Variants in FBXO10 observed in about 807,000 individuals in gnomAD.
The protein encoded by FBXO10 is F-box protein 10, also known as F-box only protein 10.
FBXO10 carries 39 observed loss-of-function variants against 80.7 expected under a neutral mutation model. That is an observed-to-expected ratio of 0.48 (90% confidence interval 0.37 to 0.63). The LOEUF is 0.63. FBXO10 is among the 30% of genes least tolerant of loss of function. FBXO10 has a pLI of 0.00. For missense variants in FBXO10, 1,025 were observed against 1,269.0 expected (o/e 0.81, Z 2.92); for synonymous variants, 449 against 489.6 (o/e 0.92, Z 1.09).
At chr9:37,561,212 C>T (rs1571233) in intron 1 of FBXO10, among the ~76,000 whole-genome samples, 1 of 144,224 alleles carries the variant, frequency 6.9e-6, no homozygotes, top group Admixed American at 7.0e-5. Flanking sequence ...TGAGGTCTCT[C>T]TGTGTTGCCC....
chr9:37,524,575 T>C (rs1168071326), intron 6 of FBXO10, among the ~76,000 whole-genome samples: 1 of 152,206 alleles, frequency 6.6e-6, no homozygotes, highest in Non-Finnish European at 1.5e-5. Flanking sequence ...ACCCTCACCT[T>C]GTGGAATTTA....
rs1175006115 is a variant in FBXO10, at chr9:37,521,635, C to G, written c.2134G>C (p.Asp712His). Residue 712 changes from aspartate to histidine, a missense_variant, in exon 8 of 11, where the codon GAC becomes CAC. This residue lies in a region of FBXO10 where 478 missense variants were observed against 667.8 expected (regional missense o/e 0.72). Coordinates refer to ENST00000432825, the MANE Select transcript of FBXO10 (RefSeq NM_012166.3). ...GTGATGGGCCGGCGCAGTGGGTCGT[C>G]CTCCTTCTCCAGCTCTGTCTCCCAG... ...ILWETELEKE[D>H]DPLRRPITIA... The G allele has an allele frequency of 1.2e-5, 19 of 1,613,946 alleles. No individual in the cohort carries two copies. Among genetic ancestry groups the G allele is most frequent in the Non-Finnish European group, 1.6e-5 (19 of 1,179,860 alleles).
chr9:37,561,471 G>A (rs1227900041), intron 1 of FBXO10, among the ~76,000 whole-genome samples: 1 of 152,170 alleles, frequency 6.6e-6, no homozygotes, highest in Non-Finnish European at 1.5e-5. Context: ...CAGTGGGAGA[G>A]AAGGAGGCAA....
intron 10 of FBXO10, among the ~76,000 whole-genome samples, chr9:37,513,970 T>C (rs1821123882): frequency 6.6e-6 from 1 of 152,144 alleles, no homozygotes; most frequent in Non-Finnish European, 1.5e-5. Context: ...ACCCAAACTC[T>C]TGTAGAGAGC....
At position 37,518,157 on chromosome 9, in the gene FBXO10, C is replaced by G; in HGVS notation, c.2482G>C (p.Gly828Arg). The change falls in exon 9 of 11, where the codon GGG becomes CGG. Residue 828 changes from glycine (G) to arginine (R), a missense_variant. Physicochemically the swap from Gly to Arg is moderately radical, Grantham distance 125. Transcript: ENST00000432825. ...TCGGACCTGGGCAGCAGCTGCAGCC[C>G]GCTGCCCCGGTTGCCAATGATATCG... is the stretch of plus-strand genomic sequence containing the variant. ...ENDIIGNRGS[G>R]LQLLPRSDTK... 1 of 1,613,940 alleles carries G rather than the reference C, an allele frequency of 6.2e-7. No individual in the cohort carries two copies. The highest frequency in any genetic ancestry group is 8.5e-7 in the Non-Finnish European group (1 of 1,179,816).
chr9:37,567,094 G>A (rs1822626190), intron 1 of FBXO10, among the ~76,000 whole-genome samples: 2 of 151,750 alleles, frequency 1.3e-5, no homozygotes. Context: ...AGGGTGTTTT[G>A]AGGGCTTACT....
chr9:37,562,525 T>C (rs1822505767), intron 1 of FBXO10, among the ~76,000 whole-genome samples: 1 of 152,216 alleles, frequency 6.6e-6, no homozygotes, highest in Non-Finnish European at 1.5e-5. Context: ...TTTTCCTTCA[T>C]TTATTGTCTG....
intron 1 of FBXO10, among the ~76,000 whole-genome samples, chr9:37,545,922 G>A (rs1822044783): frequency 6.6e-6 from 1 of 152,148 alleles, no homozygotes; most frequent in Non-Finnish European, 1.5e-5. Context: ...GGAGGTGGGT[G>A]GATCACTTGA....
intron 1 of FBXO10, among the ~76,000 whole-genome samples, chr9:37,573,354 G>A (rs932803505): frequency 7.2e-5 from 11 of 152,162 alleles, no homozygotes; most frequent in African/African-American, 2.4e-4. Flanking sequence ...AAAGCCCAGA[G>A]TGAGGTGCTT....
At position 37,551,584 on chromosome 9, in the gene FBXO10, A is replaced by T. The variant is rs559458652; in HGVS notation, c.-6-9810T>A. ...GAGCCACAGGTGGGGTGACCAGGGA[A>T]CAGAGGCCTGAAGCATCCCTGAGCA... On this transcript the variant is annotated intron_variant, in intron 1 of 10. Transcript: ENST00000432825. 2.0e-5 allele frequency among the ~76,000 whole-genome samples: 3 copies of T among 152,328 alleles called. No homozygotes were observed. In the South Asian group the frequency reaches 6.2e-4, roughly 32 times the overall value.
At chr9:37,541,151 C>T (rs1380556112) in intron 2 of FBXO10, 33 bp downstream of exon 2, 3 of 1,539,226 alleles carry the variant, frequency 1.9e-6, no homozygotes, top group Non-Finnish European at 2.6e-6. Flanking sequence ...GGGGTCAGAA[C>T]TAGAAAGGCC....
At chr9:37,535,174 C>T (rs117335822) in intron 3 of FBXO10, among the ~76,000 whole-genome samples, 3 of 152,246 alleles carry the variant, frequency 2.0e-5, no homozygotes, top group Non-Finnish European at 4.4e-5. Context: ...ATAATTCAAA[C>T]GGGCTCAGCT....
rs139547931 is a variant in FBXO10 at position 37,542,624 on chromosome 9, C to T, written c.-6-850G>A. ...AAAAAAAAAAAAAAGGATACGACTCCGGAACTGCCAGGTTCACCACCATGT... is the reference window on the plus strand; with the variant it reads ...AAAAAAAAAAAAAAGGATACGACTCTGGAACTGCCAGGTTCACCACCATGT... On this transcript the variant is annotated intron_variant, in intron 1 of 10. Transcript: ENST00000432825. Among the ~76,000 whole-genome samples the T allele has an allele frequency of 6.7e-3, 1,013 of 151,236 alleles. 8 individuals carry two copies. The highest frequency in any genetic ancestry group is 0.011 in the Non-Finnish European group (760 of 67,952).
chr9:37,517,368 TA>T (rs572650293), intron 9 of FBXO10, among the ~76,000 whole-genome samples: 38 of 152,126 alleles, frequency 2.5e-4, no homozygotes, highest in Non-Finnish European at 4.3e-4. Flanking sequence ...GAACTAAAAA[TA>T]AAAATAGAGC....
intron 4 of FBXO10, among the ~76,000 whole-genome samples, chr9:37,530,357 G>A (rs1294527045): frequency 1.3e-5 from 2 of 152,116 alleles, no homozygotes; most frequent in South Asian, 2.1e-4. Context: ...GAGAAGTCCC[G>A]CACAGGGCTG....
In FBXO10 at chr9:37,512,465, G is replaced by A; in HGVS notation, c.*82C>T. Reference sequence around the variant, plus strand: ...CATTTGTTCGAGGGGGAGGGGGAGGGGCGGAGTCTTTTCAGGCAGTATTTC... The same window carrying A: ...CATTTGTTCGAGGGGGAGGGGGAGGAGCGGAGTCTTTTCAGGCAGTATTTC... On this transcript the variant is annotated 3_prime_UTR_variant, in exon 11 of 11. Coordinates refer to ENST00000432825, the MANE Select transcript of FBXO10 (RefSeq NM_012166.3). 4.0e-6 allele frequency: 6 copies of A among 1,483,402 alleles called. No homozygotes were observed. Among genetic ancestry groups the A allele is most frequent in the Non-Finnish European group, 5.5e-6 (6 of 1,091,814 alleles). 91.9% of individuals were successfully genotyped at this position (1,483,402 alleles called of 1,614,324 possible). A position where few individuals can be genotyped will look rare whatever the true frequency, so the allele number is the denominator to read the frequency against.
intron 1 of FBXO10, among the ~76,000 whole-genome samples, chr9:37,574,212 G>C (rs1179190557): frequency 6.6e-6 from 1 of 152,088 alleles, no homozygotes; most frequent in Non-Finnish European, 1.5e-5. Flanking sequence ...GTCTACGTAT[G>C]TTTTTATCTA....
chr9:37,520,333 T>TTC (rs1821305155), intron 8 of FBXO10, among the ~76,000 whole-genome samples: 1 of 138,758 alleles, frequency 7.2e-6, no homozygotes, highest in Non-Finnish European at 1.5e-5. Flanking sequence ...TTTTTTTTTT[T>TTC]CCTTTTAAGA....
chr9:37,538,022 G>GAAC, intron 2 of FBXO10, 79 bp from the exon 3 acceptor site: 1 of 1,139,098 alleles, frequency 8.8e-7, no homozygotes, highest in Non-Finnish European at 1.3e-6. Flanking sequence ...AAGGAGGGTA[G>GAAC]AACATGGAAA....
Sources: allele counts gnomAD v4.1 joint callset (sites outside exome capture counted in the v4.1 genomes callset), GRCh38; gene constraint gnomAD v4.1.1; regional missense constraint gnomAD v4.1.1; transcripts MANE v1.5; gene names NCBI Gene and HGNC (gene_info 2026-07-23, HGNC 2026-07-21).